FAM171A1: variants seen among roughly 807,000 people sequenced by gnomAD.
FAM171A1 encodes the protein family with sequence similarity 171 member A1.
A neutral mutation model predicts 74.9 loss-of-function variants in FAM171A1; 23 were observed. The observed-to-expected ratio is 0.31, with a 90% CI of 0.22 to 0.44. FAM171A1 has a LOEUF of 0.44. Among genes scored for constraint, FAM171A1 ranks in the 20% least tolerant of loss-of-function variants. FAM171A1 has a pLI of 1.00. For synonymous variants in FAM171A1, 527 were observed against 505.7 expected (o/e 1.04, Z -0.57); for missense variants, 1,162 against 1,159.2 (o/e 1.00, Z -0.03).
At chr10:15,296,490 T>C (rs1835162738) in intron 1 of FAM171A1, among the ~76,000 whole-genome samples, 1 of 152,098 alleles carries the variant, frequency 6.6e-6, no homozygotes. Flanking sequence ...TCCTTGTGTG[T>C]GTTTAATTCT....
chr10:15,263,336 G>C (rs147928767), intron 3 of FAM171A1, among the ~76,000 whole-genome samples: 1 of 152,102 alleles, frequency 6.6e-6, no homozygotes, highest in Non-Finnish European at 1.5e-5. Flanking sequence ...AATAATCTGG[G>C]ATTTAATTTA....
In FAM171A1 at chr10:15,274,896, T is replaced by C. The variant is rs1395890080; in HGVS notation, c.418+959A>G. 1.3e-5 allele frequency among the ~76,000 whole-genome samples: 2 copies of C among 152,166 alleles called. 1 individual carries two copies. Among genetic ancestry groups the C allele is most frequent in the African/African-American group, 4.8e-5 (2 of 41,442 alleles). On this transcript the variant is annotated intron_variant, in intron 3 of 7. Transcript: ENST00000378116. ...GACTGGATTAAGAAAATGTGGCACA[T>C]GTACACCATGGAATACTATGCAGCC...
chr10:15,230,896 A>G (rs1834196824), intron 5 of FAM171A1, among the ~76,000 whole-genome samples: 1 of 152,216 alleles, frequency 6.6e-6, no homozygotes, highest in African/African-American at 2.4e-5. Context: ...CCATCTGGAG[A>G]GAAATTTTGT....
At chr10:15,218,900 T>G (rs1834000876) in intron 6 of FAM171A1, among the ~76,000 whole-genome samples, 1 of 152,136 alleles carries the variant, frequency 6.6e-6, no homozygotes, top group Non-Finnish European at 1.5e-5. Context: ...CTGGCCTGTG[T>G]ATGCTTTTTA....
In FAM171A1 at chr10:15,213,684, G is replaced by A. The variant is rs150380126; in HGVS notation, c.1904C>T (p.Pro635Leu). The stretch of plus-strand genomic sequence containing the variant: ...GATGGCCTGGGAAGACAGGGGCTGG[G>A]GCTGGATCTGTGAGGACGGGTGTGG... ...IFPHPSSQIQ[P>L]QPLSSQAISQ... The change falls in exon 8 of 8, where the codon CCC becomes CTC. Residue 635 changes from proline to leucine, a missense_variant. By Grantham distance (98) the Pro-to-Leu change is moderately conservative (BLOSUM62 -3). Coordinates refer to ENST00000378116, the MANE Select transcript of FAM171A1 (RefSeq NM_001010924.2). The surrounding 1 kb of genome is among the most constrained non-coding windows in gnomAD (Gnocchi z 6.8). The A allele has an allele frequency of 1.1e-4, 174 of 1,613,022 alleles. No individual in the cohort carries two copies. The highest frequency in any genetic ancestry group is 1.3e-4 in the Non-Finnish European group (155 of 1,179,416).
At chr10:15,347,320 G>C (rs777198828) in intron 1 of FAM171A1, among the ~76,000 whole-genome samples, 5 of 152,122 alleles carry the variant, frequency 3.3e-5, no homozygotes, top group Non-Finnish European at 7.3e-5. Flanking sequence ...ACTGGACCTA[G>C]GACAACAGCA....
At chr10:15,326,025 A>T (rs1439895375) in intron 1 of FAM171A1, among the ~76,000 whole-genome samples, 1 of 152,248 alleles carries the variant, frequency 6.6e-6, no homozygotes. Context: ...GAGGTTCAAG[A>T]TTAGGAAATC....
Position 15,222,368 on chromosome 10 carries a change from C to T in FAM171A1, c.755-1308G>A, listed in dbSNP as rs923534347. On this transcript the variant is annotated intron_variant, in intron 5 of 7. Coordinates refer to ENST00000378116, the MANE Select transcript of FAM171A1 (RefSeq NM_001010924.2). ...CTAGATGGTACTGCCTCCTACACAC[C>T]TGGGCCACACGGTCTAACCCATTGC... Among the ~76,000 whole-genome samples the T allele has an allele frequency of 5.9e-5, 9 of 152,308 alleles. No homozygotes were observed. The Middle Eastern group carries it at 0.01, about 173-fold the overall frequency.
chr10:15,369,889 TCTGCAGGG>T (rs1836113737), intron 1 of FAM171A1, among the ~76,000 whole-genome samples: 1 of 152,226 alleles, frequency 6.6e-6, no homozygotes, highest in Non-Finnish European at 1.5e-5. Context: ...ATCCCGGGGT[TCTGCAGGG>T]CTGCAGGGAG....
chr10:15,318,447 AG>A (rs1354320748), intron 1 of FAM171A1, among the ~76,000 whole-genome samples: 34 of 152,316 alleles, frequency 2.2e-4, no homozygotes, highest in African/African-American at 8.2e-4. Context: ...ATACAGAAAA[AG>A]GCAATCAACT....
chr10:15,320,788 C>T (rs1372865049), intron 1 of FAM171A1, among the ~76,000 whole-genome samples: 2 of 152,186 alleles, frequency 1.3e-5, no homozygotes, highest in Admixed American at 6.6e-5. Context: ...TTTTAGACCA[C>T]ACAGTAAGTT....
intron 1 of FAM171A1, among the ~76,000 whole-genome samples, chr10:15,361,821 T>G (rs924324996): frequency 6.6e-6 from 1 of 152,242 alleles, no homozygotes; most frequent in Non-Finnish European, 1.5e-5. Context: ...TCAATCATTT[T>G]CCTATTCAAA....
At chr10:15,218,062 T>C (rs188387269) in intron 6 of FAM171A1, among the ~76,000 whole-genome samples, 13 of 152,316 alleles carry the variant, frequency 8.5e-5, no homozygotes, top group African/African-American at 2.9e-4. Flanking sequence ...GTCCTTTAAG[T>C]ACTCAAAGCA....
intron 1 of FAM171A1, among the ~76,000 whole-genome samples, chr10:15,296,326 T>C (rs535825522): frequency 5.9e-5 from 9 of 152,230 alleles, no homozygotes; most frequent in African/African-American, 1.9e-4. Context: ...CTATATGTTA[T>C]GTAACATATA....
At chr10:15,345,688 G>T (rs1835810292) in intron 1 of FAM171A1, among the ~76,000 whole-genome samples, 1 of 152,244 alleles carries the variant, frequency 6.6e-6, no homozygotes, top group South Asian at 2.1e-4. Flanking sequence ...CTCTAGAGAG[G>T]TCAGGCCTGG....
chr10:15,230,600 T>C (rs1441195649), intron 5 of FAM171A1, among the ~76,000 whole-genome samples: 1 of 152,164 alleles, frequency 6.6e-6, no homozygotes, highest in East Asian at 1.9e-4. Context: ...CCTGGGTATT[T>C]TTAGGGTAGT....
chr10:15,248,484 AGGGT>A (rs1209176668), intron 5 of FAM171A1, among the ~76,000 whole-genome samples, 151 bp downstream of exon 5: 2 of 152,240 alleles, frequency 1.3e-5, no homozygotes, highest in Non-Finnish European at 1.5e-5. Flanking sequence ...GGCACGGGGA[AGGGT>A]GCCGTCCCCA....
intron 1 of FAM171A1, among the ~76,000 whole-genome samples, chr10:15,321,799 G>T (rs1007549739): frequency 6.6e-6 from 1 of 152,166 alleles, no homozygotes; most frequent in Non-Finnish European, 1.5e-5. Flanking sequence ...CATAAAACTA[G>T]CCAGTCTCAG....
intron 5 of FAM171A1, among the ~76,000 whole-genome samples, chr10:15,244,918 A>G (rs1834412443): frequency 6.6e-6 from 1 of 152,160 alleles, no homozygotes; most frequent in African/African-American, 2.4e-5. Context: ...GCTGTCATTT[A>G]CTTTTGTGAT....
Sources: allele counts gnomAD v4.1 joint callset (sites outside exome capture counted in the v4.1 genomes callset), GRCh38; gene constraint gnomAD v4.1.1; non-coding constraint Gnocchi (gnomAD v3.1); transcripts MANE v1.5; gene names NCBI Gene and HGNC (gene_info 2026-07-23, HGNC 2026-07-21).